The following M1AP variants were observed in gnomAD, a reference collection of about 807,000 sequenced individuals.
The protein encoded by M1AP is meiosis 1 associated protein, also known as meiosis 1 arrest protein.
M1AP carries 39 observed loss-of-function variants against 51.2 expected under a neutral mutation model. The observed-to-expected ratio is 0.76, with a 90% CI of 0.59 to 1.00. M1AP has a LOEUF of 1.00. M1AP is among the 50% of genes least tolerant of loss of function. M1AP has a pLI of 0.00. For missense variants in M1AP, 545 were observed against 641.2 expected, an observed-to-expected ratio of 0.85 and a Z score of 1.62; for synonymous variants, 251 against 249.2, an observed-to-expected ratio of 1.01 and a Z score of -0.07.
intron 3 of M1AP, among the ~76,000 whole-genome samples, chr2:74,608,061 G>C (rs557016219): frequency 6.6e-6 from 1 of 152,228 alleles, no homozygotes; most frequent in South Asian, 2.1e-4. Flanking sequence ...CATTGCAATT[G>C]ATGAACCTAT....
At chr2:74,587,419 C>T (rs1262903108) in intron 4 of M1AP, among the ~76,000 whole-genome samples, 3 of 152,044 alleles carry the variant, frequency 2.0e-5, no homozygotes, top group African/African-American at 7.2e-5. Context: ...AGGATGGTCT[C>T]GATCTCCTGA....
At chr2:74,635,331 CCT>C (rs1179102900) in intron 2 of M1AP, among the ~76,000 whole-genome samples, 3 of 152,160 alleles carry the variant, frequency 2.0e-5, no homozygotes, top group Non-Finnish European at 1.5e-5. Flanking sequence ...ATGACACTCC[CCT>C]GTTTCATTCC....
chr2:74,615,203 T>C, intron 2 of M1AP, 54 bp from the exon 3 acceptor site: 1 of 1,453,552 alleles, frequency 6.9e-7, no homozygotes, highest in Non-Finnish European at 9.6e-7. Context: ...GGTTTCAGAT[T>C]AATTGGCAGT....
intron 4 of M1AP, among the ~76,000 whole-genome samples, chr2:74,595,930 G>A (rs1680306874): frequency 6.6e-6 from 1 of 152,042 alleles, no homozygotes; most frequent in Non-Finnish European, 1.5e-5. Flanking sequence ...ACTGTAAAAA[G>A]TTAGGTATAT....
Position 74,607,072 on chromosome 2 carries a change from T to G in M1AP, c.578A>C (p.Glu193Ala). 6.2e-7 allele frequency: 1 copy of G among 1,613,852 alleles called. No homozygotes were observed. The highest frequency in any genetic ancestry group is 1.1e-5 in the South Asian group (1 of 91,046). ...LEHVDSASPV[E>A]DTSNDESSIL... ...ATTCTTACCATCATTGCTGGTATCC[T>G]CAACAGGAGACGCTGAGTCCACGTG... is the stretch of plus-strand genomic sequence containing the variant. Residue 193 changes from glutamate (E) to alanine (A), a missense_variant, in exon 4 of 11, where the codon GAG (glutamate) becomes GCG (alanine). Coordinates refer to ENST00000421985, the MANE Select transcript of M1AP (RefSeq NM_001321739.2).
chr2:74,581,843 A>C lies in M1AP; in HGVS notation c.600T>G (p.Ser200Arg), dbSNP rs113576953. 1 of 1,610,240 alleles carries C rather than the reference A, an allele frequency of 6.2e-7. No individual in the cohort carries two copies. Reference sequence around the variant, plus strand: ...GGTCAATGTCAGTTCCCAGAATAGAACTCTCTGCAAAAGAAAGGGAAATAA... The same window carrying C: ...GGTCAATGTCAGTTCCCAGAATAGACCTCTCTGCAAAAGAAAGGGAAATAA... ...SPVEDTSNDE[S>R]SILGTDIDLQ... Residue 200 changes from serine to arginine, a missense_variant, in exon 5 of 11, where the codon AGT (serine) becomes AGG (arginine). Physicochemically the swap from Ser to Arg is moderately radical, Grantham distance 110. Transcript: ENST00000421985.
intron 7 of M1AP, among the ~76,000 whole-genome samples, chr2:74,563,813 A>G (rs1335863000): frequency 1.3e-5 from 2 of 152,118 alleles, no homozygotes; most frequent in African/African-American, 4.8e-5. Context: ...CATGGGTAAG[A>G]AGAAGAGACA....
intron 7 of M1AP, among the ~76,000 whole-genome samples, chr2:74,567,003 T>C (rs945415851): frequency 2.0e-5 from 3 of 152,168 alleles, no homozygotes; most frequent in African/African-American, 4.8e-5. Context: ...GACTTTGTAA[T>C]TGAAATGAGG....
At chr2:74,588,101 T>C (rs946292416) in intron 4 of M1AP, among the ~76,000 whole-genome samples, 6 of 152,202 alleles carry the variant, frequency 3.9e-5, no homozygotes, top group Non-Finnish European at 8.8e-5. Flanking sequence ...CCTCCACATC[T>C]TCCCCCGTCT....
intron 4 of M1AP, among the ~76,000 whole-genome samples, chr2:74,599,260 CAGAG>C (rs2104667937): frequency 6.6e-6 from 1 of 152,260 alleles, no homozygotes; most frequent in South Asian, 2.1e-4. Flanking sequence ...GTTTGAGTGA[CAGAG>C]ACTCTGTCAA....
At chr2:74,586,861 G>A (rs1386734399) in intron 4 of M1AP, among the ~76,000 whole-genome samples, 1 of 152,112 alleles carries the variant, frequency 6.6e-6, no homozygotes, top group Non-Finnish European at 1.5e-5. Flanking sequence ...AATTAGCCAG[G>A]TGTGGTGGTG....
chr2:74,605,473 A>G (rs753779161), intron 4 of M1AP, among the ~76,000 whole-genome samples: 1 of 152,222 alleles, frequency 6.6e-6, no homozygotes, highest in Non-Finnish European at 1.5e-5. Context: ...TAATTGTGGT[A>G]AGAACACCAT....
chr2:74,621,945 T>TAAA (rs753660707), intron 2 of M1AP, among the ~76,000 whole-genome samples: 1 of 122,864 alleles, frequency 8.1e-6, no homozygotes. Context: ...CCACATCTAC[T>TAAA]AAAAAAAAAA....
At chr2:74,618,398 T>C (rs1681796169) in intron 2 of M1AP, among the ~76,000 whole-genome samples, 4 of 152,174 alleles carry the variant, frequency 2.6e-5, no homozygotes, top group Admixed American at 2.6e-4. Flanking sequence ...GAACCCTCTC[T>C]GTGTGAAGAA....
chr2:74,644,904 T>C (rs1007342810), intron 1 of M1AP, among the ~76,000 whole-genome samples: 5 of 152,172 alleles, frequency 3.3e-5, no homozygotes, highest in African/African-American at 1.2e-4. Flanking sequence ...ATTTAATGTA[T>C]AATTAAATTT....
chr2:74,594,827 T>G (rs1261451299), intron 4 of M1AP, among the ~76,000 whole-genome samples: 1 of 152,114 alleles, frequency 6.6e-6, no homozygotes, highest in Non-Finnish European at 1.5e-5. Context: ...TGCGGTGAAT[T>G]GTGATCACGC....
chr2:74,641,532 T>C (rs1003684070), intron 1 of M1AP, among the ~76,000 whole-genome samples: 1 of 152,190 alleles, frequency 6.6e-6, no homozygotes, highest in African/African-American at 2.4e-5. Flanking sequence ...AAATAGTCTA[T>C]AATCATTAAG....
intron 1 of M1AP, chr2:74,648,052 C>A: frequency 1.0e-6 from 1 of 985,522 alleles, no homozygotes; most frequent in Non-Finnish European, 1.2e-6. Context: ...TCCGCGCAGG[C>A]CTGGCCGCCC....
At chr2:74,621,637 A>T (rs1169788467) in intron 2 of M1AP, among the ~76,000 whole-genome samples, 2 of 151,240 alleles carry the variant, frequency 1.3e-5, no homozygotes, top group African/African-American at 4.9e-5. Context: ...TAATAATAAT[A>T]AAAAAATTAG....
Sources: gnomAD v4.1 joint callset for allele counts (sites outside exome capture counted in the v4.1 genomes callset) on GRCh38, gnomAD v4.1.1 for gene constraint, MANE v1.5 for transcripts, NCBI Gene and HGNC (gene_info 2026-07-23, HGNC 2026-07-21) for gene names.